The following ABCC1 variants were observed in gnomAD, a reference collection of about 807,000 sequenced individuals.
The protein encoded by ABCC1 is ATP binding cassette subfamily C member 1 (ABCC1 blood group), also known as multidrug resistance-associated protein 1.
In ABCC1, 83 loss-of-function variants were observed where a neutral mutation model predicts 172.9. The ratio of observed to expected loss-of-function variants is 0.48; its 90% CI spans 0.40 to 0.58. ABCC1 has a LOEUF of 0.58. Ranked by LOEUF, ABCC1 falls within the 20% of genes least tolerant of loss-of-function variation. ABCC1 has a pLI of 0.00. For missense variants in ABCC1, 1,817 were observed against 2,002.7 expected (o/e 0.91, Z 1.77); for synonymous variants, 937 against 825.2 (o/e 1.14, Z -2.32).
chr16:16,103,643 G>C (rs550278447), intron 20 of ABCC1, among the ~76,000 whole-genome samples: 2 of 152,112 alleles, frequency 1.3e-5, no homozygotes, highest in Non-Finnish European at 2.9e-5. Context: ...AACAAAAATT[G>C]ACAAAGTCGG....
chr16:16,095,571 A>T (rs548196116), intron 19 of ABCC1, among the ~76,000 whole-genome samples: 2 of 152,330 alleles, frequency 1.3e-5, no homozygotes, highest in Non-Finnish European at 2.9e-5. Flanking sequence ...AAGCACCACG[A>T]GCAAGAAACC....
At chr16:16,057,318 C>T (rs1198340418) in intron 12 of ABCC1, among the ~76,000 whole-genome samples, 1 of 150,592 alleles carries the variant, frequency 6.6e-6, no homozygotes, top group African/African-American at 2.4e-5. Context: ...GAGATCGAGC[C>T]ACGGCACTCC....
chr16:16,007,754 A>AG, intron 1 of ABCC1, 62 bp from the exon 2 acceptor site: 1 of 1,497,226 alleles, frequency 6.7e-7, no homozygotes. Flanking sequence ...TTCATGCTCC[A>AG]GGCGAGCTCC....
intron 30 of ABCC1, among the ~76,000 whole-genome samples, chr16:16,140,394 G>T (rs2046082573): frequency 6.6e-6 from 1 of 152,118 alleles, no homozygotes; most frequent in Non-Finnish European, 1.5e-5. Flanking sequence ...TGTCGCCCAG[G>T]CTGGAGTGCA....
At chr16:16,086,572 GC>G (rs1254695253) in intron 17 of ABCC1, among the ~76,000 whole-genome samples, 1 of 152,164 alleles carries the variant, frequency 6.6e-6, no homozygotes. Context: ...TTCCCACTCA[GC>G]CTCCTGAATA....
rs983783837 is a variant in ABCC1 at position 16,000,848 on chromosome 16, G to A, written c.49-6968G>A. 2.0e-5 allele frequency among the ~76,000 whole-genome samples: 3 copies of A among 152,272 alleles called. No individual in the cohort carries two copies. The East Asian group carries it at 5.8e-4, about 29-fold the overall frequency. On this transcript the variant is annotated intron_variant, in intron 1 of 30. Coordinates refer to ENST00000399410, the MANE Select transcript of ABCC1 (RefSeq NM_004996.4). The stretch of plus-strand genomic sequence containing the variant: ...GCAAAGGTTGGGGGCAGGTTGTTTG[G>A]GGAGTGTGGAGGAAGCTTTTTAAAT...
In ABCC1 at chr16:16,060,872, A is replaced by G. The variant is rs2049879749; in HGVS notation, c.1677+4577A>G. On this transcript the variant is annotated intron_variant, in intron 12 of 30. Coordinates refer to ENST00000399410, the MANE Select transcript of ABCC1 (RefSeq NM_004996.4). ...TTGCTCTCTCGCCAGGCTGGAGTGC[A>G]TTGGCACGATCTCAGCTCACTGCAA... 2.6e-5 allele frequency among the ~76,000 whole-genome samples: 4 copies of G among 151,616 alleles called. No homozygotes were observed. In the South Asian group the frequency reaches 6.2e-4, roughly 24 times the overall value.
intron 7 of ABCC1, among the ~76,000 whole-genome samples, chr16:16,041,988 G>C (rs2048994347): frequency 6.6e-6 from 1 of 151,998 alleles, no homozygotes; most frequent in Non-Finnish European, 1.5e-5. Context: ...TCCAGCTACA[G>C]GGGGGCTGAA....
At chr16:16,126,934 ACCTGG>A (rs1306404637) in intron 26 of ABCC1, among the ~76,000 whole-genome samples, 5 of 152,288 alleles carry the variant, frequency 3.3e-5, no homozygotes, top group Non-Finnish European at 5.9e-5. Context: ...GAAAAAGGGA[ACCTGG>A]GGAGGGACAA....
intron 1 of ABCC1, among the ~76,000 whole-genome samples, chr16:15,965,632 C>T (rs1420003228): frequency 1.3e-5 from 2 of 151,852 alleles, no homozygotes; most frequent in Non-Finnish European, 2.9e-5. Context: ...GCATCTTATA[C>T]CATCACCCAG....
At chr16:16,089,835 T>A (rs1246153218) in intron 18 of ABCC1, among the ~76,000 whole-genome samples, 1 of 148,832 alleles carries the variant, frequency 6.7e-6, no homozygotes, top group Non-Finnish European at 1.5e-5. Flanking sequence ...GAGCCGAGAC[T>A]GTGCCACTGC....
At chr16:16,010,439 C>T (rs1381935096) in intron 3 of ABCC1, among the ~76,000 whole-genome samples, 1 of 152,090 alleles carries the variant, frequency 6.6e-6, no homozygotes, top group Non-Finnish European at 1.5e-5. Context: ...TGGCAGATGC[C>T]CCCTTTTGTT....
intron 9 of ABCC1, among the ~76,000 whole-genome samples, chr16:16,046,908 A>C (rs2049233966): frequency 6.6e-6 from 1 of 151,906 alleles, no homozygotes; most frequent in Non-Finnish European, 1.5e-5. Context: ...GCTTAAACTG[A>C]TGCAGGCCAG....
At chr16:16,108,252 AC>A (rs2052223726) in intron 21 of ABCC1, among the ~76,000 whole-genome samples, 1 of 148,664 alleles carries the variant, frequency 6.7e-6, no homozygotes, top group Non-Finnish European at 1.5e-5. Flanking sequence ...CAGGCACAAC[AC>A]GCTTATCGTT....
chr16:15,958,979 G>A (rs576821235), intron 1 of ABCC1, among the ~76,000 whole-genome samples: 136 of 152,266 alleles, frequency 8.9e-4, no homozygotes, highest in African/African-American at 2.9e-3. Context: ...TGTGACAACC[G>A]AAAATGCCTC....
intron 26 of ABCC1, among the ~76,000 whole-genome samples, chr16:16,129,528 GGTTTTTTTTT>G (rs1447400408): frequency 6.0e-4 from 91 of 150,484 alleles, no homozygotes; most frequent in African/African-American, 2.1e-3. Flanking sequence ...GTGGTGGTGG[GGTTTTTTTTT>G]GTTTTTTTTT....
At chr16:15,965,692 G>C (rs1399281385) in intron 1 of ABCC1, among the ~76,000 whole-genome samples, 1 of 152,048 alleles carries the variant, frequency 6.6e-6, no homozygotes, top group East Asian at 1.9e-4. Context: ...TGCCTCCTGG[G>C]TTCAGGTGAT....
intron 1 of ABCC1, among the ~76,000 whole-genome samples, chr16:15,986,320 A>G (rs1230418121): frequency 6.6e-6 from 1 of 152,140 alleles, no homozygotes; most frequent in East Asian, 1.9e-4. Flanking sequence ...CACCTGGATC[A>G]TCTAGGACAG....
At chr16:16,032,696 C>T (rs780111735) in intron 5 of ABCC1, among the ~76,000 whole-genome samples, 6 of 152,208 alleles carry the variant, frequency 3.9e-5, no homozygotes, top group South Asian at 2.1e-4. Flanking sequence ...TAGTAATACC[C>T]GCTCATGAGG....
Sources: gnomAD v4.1 joint callset for allele counts (sites outside exome capture counted in the v4.1 genomes callset) on GRCh38, gnomAD v4.1.1 for gene constraint, MANE v1.5 for transcripts, NCBI Gene and HGNC (gene_info 2026-07-23, HGNC 2026-07-21) for gene names.